PDE4D: variants seen among roughly 807,000 people sequenced by gnomAD.
PDE4D encodes the protein 3',5'-cyclic-AMP phosphodiesterase 4D.
A neutral mutation model predicts 87.4 loss-of-function variants in PDE4D; 24 were observed. The observed-to-expected ratio is 0.27, with a 90% CI of 0.20 to 0.39. PDE4D has a LOEUF of 0.39. Among genes scored for constraint, PDE4D ranks in the 10% least tolerant of loss-of-function variants. The probability of loss-of-function intolerance (pLI) is 1.00; values close to 1 mark genes in which losing one functional copy is unlikely to be tolerated. For missense variants in PDE4D, 714 were observed against 1,041.0 expected (o/e 0.69, Z 4.32); for synonymous variants, 384 against 383.2 (o/e 1.00, Z -0.02).
intron 2 of PDE4D, among the ~76,000 whole-genome samples, chr5:59,210,315 T>C (rs1749798659): frequency 6.6e-6 from 1 of 152,166 alleles, no homozygotes; most frequent in African/African-American, 2.4e-5. Context: ...AGATACAAAT[T>C]GACATAAAGG....
At chr5:59,668,555 AAAC>A (rs1372156669) in intron 1 of PDE4D, among the ~76,000 whole-genome samples, 1 of 151,890 alleles carries the variant, frequency 6.6e-6, no homozygotes, top group African/African-American at 2.4e-5. Context: ...ACAAAATTTA[AAAC>A]AATAGCTAGA....
At chr5:60,421,740 C>T (rs1387701135) in intron 1 of PDE4D, among the ~76,000 whole-genome samples, 1 of 152,186 alleles carries the variant, frequency 6.6e-6, no homozygotes, top group East Asian at 1.9e-4. Flanking sequence ...TAATAACAAA[C>T]TTCTCCAAGC....
intron 1 of PDE4D, among the ~76,000 whole-genome samples, chr5:59,277,728 C>T (rs1050655398): frequency 2.0e-5 from 3 of 152,104 alleles, no homozygotes; most frequent in African/African-American, 7.2e-5. Context: ...TGTGTTCTAC[C>T]GTCCCCCAGA....
chr5:60,212,057 T>C (rs1743285417), intron 1 of PDE4D, among the ~76,000 whole-genome samples: 1 of 152,206 alleles, frequency 6.6e-6, no homozygotes, highest in Non-Finnish European at 1.5e-5. Flanking sequence ...GAAGATATCG[T>C]TGCATATATA....
intron 5 of PDE4D, among the ~76,000 whole-genome samples, chr5:59,049,631 A>G (rs1373080828): frequency 6.6e-6 from 1 of 152,228 alleles, no homozygotes; most frequent in African/African-American, 2.4e-5. Flanking sequence ...AAACAGATGA[A>G]TGCACAAAGG....
intron 1 of PDE4D, among the ~76,000 whole-genome samples, chr5:59,445,846 G>C (rs1411459381): frequency 6.6e-6 from 1 of 151,970 alleles, no homozygotes; most frequent in Non-Finnish European, 1.5e-5. Flanking sequence ...ATTTCTTTTT[G>C]ATGGCTAGAA....
intron 1 of PDE4D, among the ~76,000 whole-genome samples, chr5:59,222,516 A>G (rs1439577177): frequency 6.6e-6 from 1 of 152,092 alleles, no homozygotes; most frequent in African/African-American, 2.4e-5. Context: ...AGGAACCTCT[A>G]TCAATAGCAG....
intron 1 of PDE4D, among the ~76,000 whole-genome samples, chr5:59,688,003 C>T (rs1561477454): frequency 6.6e-6 from 1 of 152,154 alleles, no homozygotes; most frequent in African/African-American, 2.4e-5. Flanking sequence ...GGGATCAATT[C>T]AACAAGAAGA....
intron 1 of PDE4D, among the ~76,000 whole-genome samples, chr5:59,838,897 C>T (rs907128891): frequency 4.6e-5 from 7 of 151,980 alleles, no homozygotes; most frequent in Admixed American, 1.3e-4. Context: ...TTTACACAGA[C>T]ACACATCATT....
intron 5 of PDE4D, among the ~76,000 whole-genome samples, chr5:59,121,555 A>G (rs1774510826): frequency 6.8e-6 from 1 of 147,662 alleles, no homozygotes; most frequent in Non-Finnish European, 1.5e-5. Context: ...ATAAAAAATA[A>G]AAAAAAAATA....
Position 59,180,647 on chromosome 5 carries a change from G to T in PDE4D, c.759-3C>A. On this transcript the variant is annotated splice_region_variant and splice_polypyrimidine_tract_variant and intron_variant, in intron 4 of 14. Coordinates refer to ENST00000340635, the MANE Select transcript of PDE4D (RefSeq NM_001104631.2). ...GTTGGTTGCACATGGGTGATCTTCT[G>T]ACAAAGACAGAAAAACACAAAGCAG... is the stretch of plus-strand genomic sequence containing the variant. 6.2e-7 allele frequency: 1 copy of T among 1,612,582 alleles called. No individual in the cohort carries two copies. The highest frequency in any genetic ancestry group is 8.5e-7 in the Non-Finnish European group (1 of 1,179,142).
chr5:60,075,765 A>G (rs1376197127), intron 2 of PDE4D, among the ~76,000 whole-genome samples: 1 of 152,092 alleles, frequency 6.6e-6, no homozygotes, highest in Non-Finnish European at 1.5e-5. Context: ...CCAGTCTTCA[A>G]GCTCTGAGAT....
At chr5:60,255,724 C>T (rs768514128) in intron 1 of PDE4D, among the ~76,000 whole-genome samples, 3 of 151,816 alleles carry the variant, frequency 2.0e-5, no homozygotes, top group Admixed American at 6.6e-5. Flanking sequence ...CAGTGGCTCA[C>T]ACCTTTAATC....
intron 1 of PDE4D, among the ~76,000 whole-genome samples, chr5:60,468,058 C>G (rs1412655679): frequency 6.6e-6 from 1 of 152,046 alleles, no homozygotes; most frequent in Non-Finnish European, 1.5e-5. Context: ...GCCACTCAAC[C>G]AGTCCAAATG....
intron 1 of PDE4D, among the ~76,000 whole-genome samples, chr5:59,550,871 A>AT (rs1818002505): frequency 6.6e-6 from 1 of 151,528 alleles, no homozygotes; most frequent in African/African-American, 2.4e-5. Flanking sequence ...TAATTTTTGT[A>AT]TTTTTTAGTA....
At chr5:59,290,963 C>A (rs1204718491) in intron 1 of PDE4D, among the ~76,000 whole-genome samples, 1 of 151,908 alleles carries the variant, frequency 6.6e-6, no homozygotes, top group Admixed American at 6.6e-5. Flanking sequence ...GAAAAGGGAA[C>A]CCTGGTACAC....
Position 59,893,704 on chromosome 5 carries a change from G to GCTGCTT in PDE4D, c.-83_-82insAAGCAG. The GCTGCTT allele has an allele frequency of 2.2e-6, 3 of 1,383,514 alleles. No individual in the cohort carries two copies. The highest frequency in any genetic ancestry group is 2.8e-6 in the Non-Finnish European group (3 of 1,079,908). 85.7% of individuals were successfully genotyped at this position (1,383,514 alleles called of 1,614,324 possible). A position where few individuals can be genotyped will look rare whatever the true frequency, so the allele number is the denominator to read the frequency against. ...GCGCCTTCCTGATGCTGCTGCTGCT[G>GCTGCTT]CTGCCGCCGCCGCCGCTTCTGCAGC... is the stretch of plus-strand genomic sequence containing the variant. On this transcript the variant is annotated 5_prime_UTR_variant, in exon 1 of 15. Coordinates refer to ENST00000340635, the MANE Select transcript of PDE4D (RefSeq NM_001104631.2).
At chr5:60,113,776 T>C (rs1352878873) in intron 2 of PDE4D, among the ~76,000 whole-genome samples, 1 of 152,134 alleles carries the variant, frequency 6.6e-6, no homozygotes, top group African/African-American at 2.4e-5. Context: ...AAGTTGGCTC[T>C]TTTACATGAG....
At chr5:59,546,669 T>C (rs890136694) in intron 1 of PDE4D, among the ~76,000 whole-genome samples, 2 of 152,098 alleles carry the variant, frequency 1.3e-5, no homozygotes, top group African/African-American at 4.8e-5. Flanking sequence ...AAAGCAACAA[T>C]TTAGAAATGA....
Sources: gnomAD v4.1 joint callset for allele counts (sites outside exome capture counted in the v4.1 genomes callset) on GRCh38, gnomAD v4.1.1 for gene constraint, MANE v1.5 for transcripts, NCBI Gene and HGNC (gene_info 2026-07-23, HGNC 2026-07-21) for gene names.